Variants in CRBN observed in about 807,000 individuals in gnomAD.
CRBN encodes the protein protein cereblon.
In CRBN, 53 loss-of-function variants were observed where a neutral mutation model predicts 62.2. The ratio of observed to expected loss-of-function variants is 0.85; its 90% confidence interval spans 0.68 to 1.07. CRBN has a LOEUF of 1.07. Ranked by LOEUF, CRBN falls within the 50% of genes least tolerant of loss-of-function variation. The pLI, the probability that CRBN is intolerant of heterozygous loss-of-function variation, is 0.00. For missense variants in CRBN, 616 were observed against 531.1 expected (o/e 1.16, Z -1.57); for synonymous variants, 208 against 176.1 (o/e 1.18, Z -1.43).
intron 5 of CRBN, among the ~76,000 whole-genome samples, chr3:3,163,566 C>T (rs1020966245): frequency 6.6e-6 from 1 of 152,190 alleles, no homozygotes; most frequent in African/African-American, 2.4e-5. Flanking sequence ...AGCAGTCTTA[C>T]TTGCTTAGCC....
Position 3,170,609 on chromosome 3 carries a change from T to C in CRBN, c.527+2167A>G, listed in dbSNP as rs563022570. On this transcript the variant is annotated intron_variant, in intron 4 of 10. Transcript: ENST00000231948. ...AGACTGAACTAAATCAACTCCAGAA[T>C]TTCTTTCATTTCACCATTTCCAGTG... Among the ~76,000 whole-genome samples, 17 of 152,282 alleles carry C rather than the reference T, an allele frequency of 1.1e-4. No homozygotes were observed. The East Asian group carries it at 2.9e-3, about 26-fold the overall frequency.
chr3:3,151,535 C>A (rs1323805287), intron 10 of CRBN, among the ~76,000 whole-genome samples: 4 of 152,150 alleles, frequency 2.6e-5, no homozygotes, highest in Non-Finnish European at 5.9e-5. Context: ...TCAGATAATG[C>A]AACCAGAAAT....
chr3:3,164,093 C>T (rs1274038287), intron 5 of CRBN, among the ~76,000 whole-genome samples: 3 of 152,124 alleles, frequency 2.0e-5, no homozygotes, highest in African/African-American at 7.2e-5. Context: ...ACTGACGAGC[C>T]CCTCCATCTC....
In CRBN at chr3:3,172,760, A is replaced by G. The variant is rs530596639; in HGVS notation, c.527+16T>C. 239 of 1,608,268 alleles carry G rather than the reference A, an allele frequency of 1.5e-4. 5 individuals are homozygous for G. The South Asian group carries it at 2.4e-3, about 16-fold the overall frequency. On this transcript the variant is annotated intron_variant, in intron 4 of 10. Transcript: ENST00000231948. ...GGAAACATTCAAAGAGCATTAAGGTATATGTTATTTCTTACCCATCTGACT... is the reference window on the plus strand; with the variant it reads ...GGAAACATTCAAAGAGCATTAAGGTGTATGTTATTTCTTACCCATCTGACT...
intron 2 of CRBN, 134 bp downstream of exon 2, chr3:3,175,029 C>CAGTTAAA: frequency 6.5e-6 from 1 of 152,738 alleles, no homozygotes; most frequent in Non-Finnish European, 1.8e-5. Context: ...TGTTTATCTA[C>CAGTTAAA]TGGCAAATAG....
intron 8 of CRBN, 28 bp downstream of exon 8, chr3:3,153,932 G>A: frequency 7.4e-7 from 1 of 1,353,772 alleles, no homozygotes; most frequent in Non-Finnish European, 1.1e-6. Flanking sequence ...TAAAACATGG[G>A]CATCAAAAAC....
rs1042485113 is a variant in CRBN, at chr3:3,150,127, T to C, written c.*738A>G. 2 of 152,206 alleles carry C rather than the reference T, an allele frequency of 1.3e-5. No homozygotes were observed. Among genetic ancestry groups the C allele is most frequent in the African/African-American group, 4.8e-5 (2 of 41,470 alleles). The allele number at this position is 152,206 out of a possible 1,614,324, so 9.4% of individuals were successfully genotyped here. A position where few individuals can be genotyped will look rare whatever the true frequency, so the allele number is the denominator to read the frequency against. On this transcript the variant is annotated 3_prime_UTR_variant, in exon 11 of 11. Coordinates refer to ENST00000231948, the MANE Select transcript of CRBN (RefSeq NM_016302.4). ...GGGACATGTTTTGGCATCTTTTCCC[T>C]ATAGTAGTAGTTTTGGTTCAAATTA... is the stretch of plus-strand genomic sequence containing the variant.
At chr3:3,151,983 C>T (rs1447782400) in intron 10 of CRBN, among the ~76,000 whole-genome samples, 1 of 152,104 alleles carries the variant, frequency 6.6e-6, no homozygotes, top group Admixed American at 6.6e-5. Context: ...AGCTGATTTT[C>T]AGAATTACAT....
rs771285272 is a variant in CRBN at position 3,174,245 on chromosome 3, A to G, written c.191T>C (p.Met64Thr). ...PTSHTYLGADMEEFHGRTLHD... is the reference protein window; with the variant it reads ...PTSHTYLGADTEEFHGRTLHD... ...CAAAGTCCTGCCATGAAATTCTTCC[A>G]TATCAGCACCTAGGTACTATATAAA... is the stretch of plus-strand genomic sequence containing the variant. The change falls in exon 3 of 11, where the codon ATG (methionine) becomes ACG (threonine). Residue 64 changes from methionine to threonine, a missense_variant. Met to Thr is a moderately conservative substitution (Grantham distance 81, BLOSUM62 -1). Coordinates refer to ENST00000231948, the MANE Select transcript of CRBN (RefSeq NM_016302.4). 3 of 1,613,750 alleles carry G rather than the reference A, an allele frequency of 1.9e-6. No homozygotes were observed. The highest frequency in any genetic ancestry group is 4.5e-5 in the East Asian group (2 of 44,884).
At chr3:3,172,079 C>G (rs925609617) in intron 4 of CRBN, 2 of 152,070 alleles carry the variant, frequency 1.3e-5, no homozygotes, top group African/African-American at 4.8e-5. Flanking sequence ...AATGTGTATC[C>G]CTTGAATTTG....
intron 1 of CRBN, among the ~76,000 whole-genome samples, chr3:3,176,872 CAAAGA>C (rs949238037): frequency 7.9e-5 from 12 of 152,172 alleles, no homozygotes; most frequent in Non-Finnish European, 1.2e-4. Context: ...CCAATGACAG[CAAAGA>C]AAATTAGAAA....
chr3:3,175,033 C>T (rs115361677), intron 2 of CRBN, 130 bp downstream of exon 2: 459,310 of 652,396 alleles, frequency 0.7, 171,211 homozygotes, highest in Middle Eastern at 0.82. Context: ...TATCTACTGG[C>T]AAATAGCCCA....
chr3:3,172,268 G>C (rs1707647776), intron 4 of CRBN: 5 of 155,878 alleles, frequency 3.2e-5, no homozygotes, highest in Non-Finnish European at 7.1e-5. Context: ...AATATAAATG[G>C]CTTTTATAGC....
intron 5 of CRBN, among the ~76,000 whole-genome samples, chr3:3,157,321 A>AT (rs1706937906): frequency 6.6e-6 from 1 of 152,208 alleles, no homozygotes; most frequent in Admixed American, 6.5e-5. Flanking sequence ...GAATTATCAC[A>AT]TTTTTCTCAA....
At chr3:3,159,674 A>G (rs1005677976) in intron 5 of CRBN, among the ~76,000 whole-genome samples, 24 of 152,164 alleles carry the variant, frequency 1.6e-4, no homozygotes, top group Non-Finnish European at 3.5e-4. Flanking sequence ...GAGCATCCTG[A>G]CAGATTCAAA....
intron 5 of CRBN, among the ~76,000 whole-genome samples, chr3:3,157,050 G>C (rs1023633597): frequency 5.3e-5 from 8 of 152,140 alleles, no homozygotes; most frequent in Non-Finnish European, 8.8e-5. Flanking sequence ...TGCAATACCA[G>C]TGAGAATGGA....
chr3:3,166,578 TATCTTCCTTATTAGA>T (rs1559251662), intron 5 of CRBN, among the ~76,000 whole-genome samples: 1 of 152,188 alleles, frequency 6.6e-6, no homozygotes. Context: ...AGTCTAATTA[TATCTTCCTTATTAGA>T]ATCTTCCTTA....
At chr3:3,151,497 T>TGG (rs1356842505) in intron 10 of CRBN, among the ~76,000 whole-genome samples, 1 of 46,074 alleles carries the variant, frequency 2.2e-5, no homozygotes. Context: ...AAAAAGTAAA[T>TGG]ATTTATATTC....
At chr3:3,149,969 A>G (rs1706382989), downstream of CRBN, 1 of 152,156 alleles carries the variant, frequency 6.6e-6, no homozygotes, top group Non-Finnish European at 1.5e-5. Flanking sequence ...AGAACTTTAA[A>G]ATTATGAGTA....
Sources: allele counts gnomAD v4.1 joint callset (sites outside exome capture counted in the v4.1 genomes callset), GRCh38; gene constraint gnomAD v4.1.1; transcripts MANE v1.5; gene names NCBI Gene and HGNC (gene_info 2026-07-23, HGNC 2026-07-21).